HS6ST3: variants seen among roughly 807,000 people sequenced by gnomAD.
HS6ST3 encodes the protein heparan-sulfate 6-O-sulfotransferase 3.
A neutral mutation model predicts 36.7 loss-of-function variants in HS6ST3; 12 were observed. That is an observed-to-expected ratio of 0.33 (90% CI 0.21 to 0.53). HS6ST3 has a LOEUF of 0.53. Ranked by LOEUF, HS6ST3 falls within the 20% of genes least tolerant of loss-of-function variation. The pLI is 0.95. For synonymous variants in HS6ST3, 240 were observed against 257.5 expected (o/e 0.93, Z 0.65); for missense variants, 584 against 640.9 (o/e 0.91, Z 0.96).
chr13:96,442,648 A>G (rs1736020832), intron 1 of HS6ST3, among the ~76,000 whole-genome samples: 1 of 152,206 alleles, frequency 6.6e-6, no homozygotes, highest in African/African-American at 2.4e-5. Context: ...CCAAGGGAGA[A>G]GCAAAACTGC....
intron 1 of HS6ST3, among the ~76,000 whole-genome samples, chr13:96,554,498 T>G (rs1424602106): frequency 1.3e-5 from 2 of 152,178 alleles, no homozygotes; most frequent in Non-Finnish European, 2.9e-5. Context: ...ACAAAACCAA[T>G]GTTCACTGTA....
At chr13:96,712,873 G>A (rs777403005) in intron 1 of HS6ST3, among the ~76,000 whole-genome samples, 2 of 152,114 alleles carry the variant, frequency 1.3e-5, no homozygotes, top group African/African-American at 4.8e-5. Context: ...AGGGAGAAAA[G>A]AACAGAAATA....
chr13:96,136,593 A>G (rs1485649603), intron 1 of HS6ST3, among the ~76,000 whole-genome samples: 1 of 151,688 alleles, frequency 6.6e-6, no homozygotes, highest in Admixed American at 6.6e-5. Context: ...CCCATCTCCA[A>G]CACTGGGGAT....
chr13:96,651,505 A>C (rs150805830), intron 1 of HS6ST3, among the ~76,000 whole-genome samples: 169 of 152,144 alleles, frequency 1.1e-3, no homozygotes, highest in African/African-American at 4.0e-3. Context: ...AGGTGTATGA[A>C]TCAAGCGGCC....
At position 96,372,728 on chromosome 13, in the gene HS6ST3, C is replaced by G. The variant is rs141937012; in HGVS notation, c.707+281159C>G. 1.4e-3 allele frequency among the ~76,000 whole-genome samples: 219 copies of G among 152,112 alleles called. 1 individual carries two copies. Among genetic ancestry groups the G allele is most frequent in the Non-Finnish European group, 2.4e-3 (162 of 67,960 alleles). On this transcript the variant is annotated intron_variant, in intron 1 of 1. Coordinates refer to ENST00000376705, the MANE Select transcript of HS6ST3 (RefSeq NM_153456.4). ...GATAAAGATCCATTTTTTGTTTTTGCATTTTATCCATGTGGATAGCCAGTT... is the reference window on the plus strand; with the variant it reads ...GATAAAGATCCATTTTTTGTTTTTGGATTTTATCCATGTGGATAGCCAGTT...
intron 1 of HS6ST3, among the ~76,000 whole-genome samples, chr13:96,258,895 A>C (rs2054650779): frequency 6.6e-6 from 1 of 152,156 alleles, no homozygotes; most frequent in African/African-American, 2.4e-5. Flanking sequence ...ATTACATGGT[A>C]ATGAGTGCAC....
chr13:96,382,698 A>G (rs2055347259), intron 1 of HS6ST3, among the ~76,000 whole-genome samples: 1 of 152,204 alleles, frequency 6.6e-6, no homozygotes, highest in Non-Finnish European at 1.5e-5. Flanking sequence ...TATGAATATA[A>G]TAAAATTTAC....
intron 1 of HS6ST3, among the ~76,000 whole-genome samples, chr13:96,632,645 C>A (rs2056535987): frequency 6.6e-6 from 1 of 152,212 alleles, no homozygotes; most frequent in African/African-American, 2.4e-5. Context: ...GATGGGATCA[C>A]TGGTTTTGAC....
At chr13:96,773,264 G>A (rs554142575) in intron 1 of HS6ST3, among the ~76,000 whole-genome samples, 1 of 152,176 alleles carries the variant, frequency 6.6e-6, no homozygotes, top group Non-Finnish European at 1.5e-5. Flanking sequence ...CAAGCTAGCT[G>A]CAGGAGTTTA....
At chr13:96,130,358 T>C (rs891627034) in intron 1 of HS6ST3, among the ~76,000 whole-genome samples, 1 of 152,186 alleles carries the variant, frequency 6.6e-6, no homozygotes, top group Non-Finnish European at 1.5e-5. Flanking sequence ...AGTGGGAATA[T>C]TGTTGGCAAC....
intron 1 of HS6ST3, among the ~76,000 whole-genome samples, chr13:96,133,007 C>T (rs916742155): frequency 1.3e-5 from 2 of 151,380 alleles, no homozygotes; most frequent in Non-Finnish European, 2.9e-5. Context: ...CTTTTGAGTG[C>T]CTTTTATATT....
intron 1 of HS6ST3, among the ~76,000 whole-genome samples, chr13:96,642,758 C>A (rs2139007671): frequency 6.6e-6 from 1 of 151,990 alleles, no homozygotes; most frequent in African/African-American, 2.4e-5. Context: ...CAATTCCTAT[C>A]TTTTTATTGA....
chr13:96,360,656 A>AAT (rs1555300626), intron 1 of HS6ST3, among the ~76,000 whole-genome samples: 1 of 151,456 alleles, frequency 6.6e-6, no homozygotes, highest in African/African-American at 2.4e-5. Flanking sequence ...CAAAAAAAAA[A>AAT]AAAAAAAAGT....
chr13:96,824,066 A>T (rs937488755), intron 1 of HS6ST3, among the ~76,000 whole-genome samples: 1 of 152,228 alleles, frequency 6.6e-6, no homozygotes, highest in Non-Finnish European at 1.5e-5. Context: ...TCAGATGCAT[A>T]TGTGAGGAAA....
chr13:96,726,010 G>T (rs1455725785), intron 1 of HS6ST3, among the ~76,000 whole-genome samples: 6 of 151,930 alleles, frequency 3.9e-5, no homozygotes, highest in African/African-American at 1.5e-4. Flanking sequence ...GCTAGTTTTT[G>T]TATTTTAGGT....
At chr13:96,138,286 G>A (rs928959491) in intron 1 of HS6ST3, among the ~76,000 whole-genome samples, 8 of 151,854 alleles carry the variant, frequency 5.3e-5, no homozygotes, top group Non-Finnish European at 1.2e-4. Flanking sequence ...ACTAGCTAAA[G>A]ATTGAAACTA....
At chr13:96,218,078 G>T (rs1304368740) in intron 1 of HS6ST3, among the ~76,000 whole-genome samples, 1 of 152,090 alleles carries the variant, frequency 6.6e-6, no homozygotes, top group African/African-American at 2.4e-5. Context: ...ATTTAAAGGA[G>T]ACTTTAATTA....
In HS6ST3 at chr13:96,584,146, T is replaced by C. The variant is rs180773220; in HGVS notation, c.708-248344T>C. Among the ~76,000 whole-genome samples the C allele has an allele frequency of 3.9e-5, 6 of 152,294 alleles. No homozygotes were observed. In the East Asian group the frequency reaches 1.2e-3, roughly 29 times the overall value. On this transcript the variant is annotated intron_variant, in intron 1 of 1. Transcript: ENST00000376705. ...TGTTCAACATCTTTTTGTTTGTTTT[T>C]TGTTTTTTGAGACAGAGTTTCGCTC...
chr13:96,150,353 C>T (rs2054078974), intron 1 of HS6ST3, among the ~76,000 whole-genome samples: 1 of 151,884 alleles, frequency 6.6e-6, no homozygotes, highest in Non-Finnish European at 1.5e-5. Context: ...GTGGGTAAGC[C>T]AGGGATAGAA....
Sources: gnomAD v4.1 joint callset for allele counts (sites outside exome capture counted in the v4.1 genomes callset) on GRCh38, gnomAD v4.1.1 for gene constraint, MANE v1.5 for transcripts, NCBI Gene and HGNC (gene_info 2026-07-23, HGNC 2026-07-21) for gene names.